Variants in NEGR1 observed in about 807,000 individuals in gnomAD.
The protein encoded by NEGR1 is IgLON family member 4.
Under a neutral mutation model 40.9 loss-of-function variants are expected in NEGR1, and 10 were observed. The ratio of observed to expected loss-of-function variants is 0.24; its 90% CI spans 0.15 to 0.42. The LOEUF is 0.42. Among genes scored for constraint, NEGR1 ranks in the 10% least tolerant of loss-of-function variants. The pLI is 1.00. For missense variants in NEGR1, 352 were observed against 438.9 expected, an observed-to-expected ratio of 0.80 and a Z score of 1.77; for synonymous variants, 185 against 166.8, an observed-to-expected ratio of 1.11 and a Z score of -0.84.
At chr1:72,097,461 A>T (rs543078015) in intron 1 of NEGR1, among the ~76,000 whole-genome samples, 2 of 152,260 alleles carry the variant, frequency 1.3e-5, no homozygotes, top group South Asian at 4.1e-4. Flanking sequence ...ATGGCACAGG[A>T]CTCTGATTTG....
chr1:71,583,207 A>T (rs1312470024), intron 6 of NEGR1, among the ~76,000 whole-genome samples: 2 of 152,208 alleles, frequency 1.3e-5, no homozygotes, highest in African/African-American at 4.8e-5. Context: ...ACTTTAAAAA[A>T]TATATGACTA....
In NEGR1 at chr1:72,265,084, A is replaced by C. The variant is rs1034127456; in HGVS notation, c.176+17235T>G. On this transcript the variant is annotated intron_variant, in intron 1 of 6. Transcript: ENST00000357731. ...TTTTCTAATTAATCAAAGTTGAATA[A>C]CTATATCACACTACTAATTTCTGTA... Among the ~76,000 whole-genome samples, 3 of 150,948 alleles carry C rather than the reference A, an allele frequency of 2.0e-5. No homozygotes were observed. The East Asian group carries it at 5.8e-4, about 29-fold the overall frequency.
chr1:72,203,291 G>A (rs575223499), intron 1 of NEGR1, among the ~76,000 whole-genome samples: 124 of 152,188 alleles, frequency 8.1e-4, no homozygotes, highest in South Asian at 1.9e-3. Flanking sequence ...CAAAATATCA[G>A]TGTGAACAGG....
chr1:71,600,436 C>A (rs949081370), intron 5 of NEGR1, among the ~76,000 whole-genome samples: 4 of 152,232 alleles, frequency 2.6e-5, no homozygotes, highest in African/African-American at 7.2e-5. Flanking sequence ...AGCTCCCTCC[C>A]AGGTAGAAAA....
chr1:71,493,137 G>A (rs555080784), intron 6 of NEGR1, among the ~76,000 whole-genome samples: 12 of 151,922 alleles, frequency 7.9e-5, no homozygotes, highest in African/African-American at 1.9e-4. Flanking sequence ...CATTACCATC[G>A]CCCTACTCCA....
chr1:71,583,189 T>TA (rs1374308760), intron 6 of NEGR1, among the ~76,000 whole-genome samples: 12 of 151,812 alleles, frequency 7.9e-5, no homozygotes, highest in Middle Eastern at 3.4e-3. Flanking sequence ...GTCAGTAACG[T>TA]AAAAAAAACT....
chr1:71,694,944 T>C (rs571079778), intron 4 of NEGR1, among the ~76,000 whole-genome samples: 1 of 151,904 alleles, frequency 6.6e-6, no homozygotes, highest in Admixed American at 6.6e-5. Flanking sequence ...TTAGGGAATC[T>C]TCAGGTTATC....
At chr1:71,430,657 T>TAAA (rs1026396032) in intron 6 of NEGR1, among the ~76,000 whole-genome samples, 1 of 142,276 alleles carries the variant, frequency 7.0e-6, no homozygotes, top group African/African-American at 2.6e-5. Flanking sequence ...AGCTTTTTTT[T>TAAA]AAAAAAAAAA....
At chr1:72,255,977 T>C (rs893669254) in intron 1 of NEGR1, among the ~76,000 whole-genome samples, 4 of 152,336 alleles carry the variant, frequency 2.6e-5, no homozygotes, top group Middle Eastern at 3.4e-3. Flanking sequence ...TCATGTTTTA[T>C]ATGGTAATTG....
In NEGR1 at chr1:71,954,333, C is replaced by T. The variant is rs1421341532; in HGVS notation, c.177-19022G>A. ...AATGATAGATGATTTTAGATGTCAACCTGTGAATTTCAGAATAATTTCAGT... is the reference window on the plus strand; with the variant it reads ...AATGATAGATGATTTTAGATGTCAATCTGTGAATTTCAGAATAATTTCAGT... On this transcript the variant is annotated intron_variant, in intron 1 of 6. Coordinates refer to ENST00000357731, the MANE Select transcript of NEGR1 (RefSeq NM_173808.3). Among the ~76,000 whole-genome samples, 5 of 151,744 alleles carry T rather than the reference C, an allele frequency of 3.3e-5. No homozygotes were observed. In the East Asian group the frequency reaches 7.7e-4, roughly 23 times the overall value.
At chr1:72,156,298 A>G (rs1300694063) in intron 1 of NEGR1, among the ~76,000 whole-genome samples, 1 of 152,096 alleles carries the variant, frequency 6.6e-6, no homozygotes, top group Non-Finnish European at 1.5e-5. Flanking sequence ...ATCACTCTTC[A>G]GCTCTCAGCA....
At chr1:71,944,196 T>C (rs953212622) in intron 1 of NEGR1, among the ~76,000 whole-genome samples, 1 of 152,162 alleles carries the variant, frequency 6.6e-6, no homozygotes, top group African/African-American at 2.4e-5. Context: ...TGCAATACTG[T>C]CTCCCTGGCA....
At chr1:71,526,228 G>C (rs1185301003) in intron 6 of NEGR1, among the ~76,000 whole-genome samples, 2 of 151,410 alleles carry the variant, frequency 1.3e-5, no homozygotes, top group Non-Finnish European at 3.0e-5. Flanking sequence ...ATTCTGAGCT[G>C]TCTTAAATTT....
intron 2 of NEGR1, among the ~76,000 whole-genome samples, chr1:71,903,760 C>T (rs1238674665): frequency 1.3e-5 from 2 of 151,572 alleles, no homozygotes; most frequent in East Asian, 3.9e-4. Flanking sequence ...TAATACATAG[C>T]CCTCTTATTA....
At chr1:71,507,915 T>C (rs113729232) in intron 6 of NEGR1, among the ~76,000 whole-genome samples, 201 of 152,258 alleles carry the variant, frequency 1.3e-3, no homozygotes, top group African/African-American at 4.6e-3. Context: ...GGATCAAATA[T>C]TTCCCAATAG....
intron 1 of NEGR1, among the ~76,000 whole-genome samples, chr1:72,090,027 G>C (rs1200361683): frequency 6.6e-6 from 1 of 152,076 alleles, no homozygotes; most frequent in African/African-American, 2.4e-5. Flanking sequence ...CTTGTTGTTA[G>C]ATTTTAGTCT....
chr1:71,740,169 A>G (rs1655171158), intron 3 of NEGR1, among the ~76,000 whole-genome samples: 1 of 152,190 alleles, frequency 6.6e-6, no homozygotes. Flanking sequence ...TTATATCCTT[A>G]TGTTCCTAAT....
At chr1:71,791,493 T>A (rs916355434) in intron 2 of NEGR1, among the ~76,000 whole-genome samples, 1 of 152,132 alleles carries the variant, frequency 6.6e-6, no homozygotes, top group Admixed American at 6.6e-5. Context: ...TATGGCTTTT[T>A]TAAAAAAATA....
chr1:72,216,014 A>G lies in NEGR1; in HGVS notation c.176+66305T>C, dbSNP rs562007202. 3.9e-5 allele frequency among the ~76,000 whole-genome samples: 6 copies of G among 152,196 alleles called. No individual in the cohort carries two copies. In the South Asian group the frequency reaches 1.2e-3, roughly 32 times the overall value. Reference sequence around the variant, plus strand: ...GAAATGTGGCACATATACACCACTGAATACTATGCAGTTATAAAAAAGGAT... The same window carrying G: ...GAAATGTGGCACATATACACCACTGGATACTATGCAGTTATAAAAAAGGAT... On this transcript the variant is annotated intron_variant, in intron 1 of 6. Coordinates refer to ENST00000357731, the MANE Select transcript of NEGR1 (RefSeq NM_173808.3).
Sources: gnomAD v4.1 joint callset for allele counts (sites outside exome capture counted in the v4.1 genomes callset) on GRCh38, gnomAD v4.1.1 for gene constraint, MANE v1.5 for transcripts, NCBI Gene and HGNC (gene_info 2026-07-23, HGNC 2026-07-21) for gene names.